Variants in GPHN observed in about 807,000 individuals in gnomAD.
GPHN encodes the protein gephyrin.
In GPHN, 17 loss-of-function variants were observed where a neutral mutation model predicts 95.5. The ratio of observed to expected loss-of-function variants is 0.18; its 90% CI spans 0.12 to 0.27. The LOEUF is 0.27. Ranked by LOEUF, GPHN falls within the 10% of genes least tolerant of loss-of-function variation. GPHN has a pLI of 1.00. For synonymous variants in GPHN, 320 were observed against 322.5 expected, an observed-to-expected ratio of 0.99 and a Z score of 0.08; for missense variants, 660 against 978.1, an observed-to-expected ratio of 0.67 and a Z score of 4.34.
At chr14:67,592,598 G>A in the GPHN span, 1 of 1,194,220 alleles carries the variant, frequency 8.4e-7, no homozygotes. Context: ...AAAGGTTGAG[G>A]AGTAATTGGA....
At chr14:66,557,497 G>A (rs930559134) in intron 1 of GPHN, among the ~76,000 whole-genome samples, 4 of 152,108 alleles carry the variant, frequency 2.6e-5, no homozygotes, top group Admixed American at 6.5e-5. Context: ...TTAAGAATTT[G>A]TCTTCAGTTA....
chr14:67,336,352 A>G, the GPHN span: 1 of 177,334 alleles, frequency 5.6e-6, no homozygotes, highest in African/African-American at 2.4e-5. Flanking sequence ...TATGTTTCAG[A>G]TAACTGACTC....
chr14:67,240,721 A>C, the GPHN span, among the ~76,000 whole-genome samples: 1 of 152,146 alleles, frequency 6.6e-6, no homozygotes, highest in Non-Finnish European at 1.5e-5. Context: ...CCAGGTCCCG[A>C]GGGCGCCAGC....
At chr14:67,253,897 A>G in the GPHN span, among the ~76,000 whole-genome samples, 1 of 151,080 alleles carries the variant, frequency 6.6e-6, no homozygotes. Flanking sequence ...TGGTGATTCA[A>G]AATCTTAGGC....
chr14:66,687,450 T>G (rs2067451261), intron 2 of GPHN, among the ~76,000 whole-genome samples: 1 of 152,066 alleles, frequency 6.6e-6, no homozygotes, highest in Non-Finnish European at 1.5e-5. Context: ...GCATGTTCAT[T>G]TTTACAATAT....
intron 3 of GPHN, among the ~76,000 whole-genome samples, chr14:66,788,336 G>C (rs1213206362): frequency 6.6e-6 from 1 of 152,076 alleles, no homozygotes; most frequent in African/African-American, 2.4e-5. Context: ...CAAGACAACA[G>C]TTAATCTATG....
the GPHN span, among the ~76,000 whole-genome samples, chr14:67,208,789 C>T: frequency 1.3e-5 from 2 of 151,110 alleles, no homozygotes; most frequent in Non-Finnish European, 2.9e-5. Context: ...CCCAGCTACT[C>T]GGGAGGCTGA....
At chr14:67,618,544 T>A in the GPHN span, among the ~76,000 whole-genome samples, 1 of 151,830 alleles carries the variant, frequency 6.6e-6, no homozygotes, top group African/African-American at 2.4e-5. Context: ...CAGCTATTTT[T>A]TTTTTTTTAA....
At chr14:66,675,146 G>GTTTTTTT (rs60014934) in intron 1 of GPHN, among the ~76,000 whole-genome samples, 6 of 135,446 alleles carry the variant, frequency 4.4e-5, no homozygotes, top group Admixed American at 7.4e-5. Flanking sequence ...TCTTTTTCCA[G>GTTTTTTT]TTTTTTTTTT....
At chr14:67,063,278 T>C (rs2075898186) in intron 11 of GPHN, among the ~76,000 whole-genome samples, 1 of 152,196 alleles carries the variant, frequency 6.6e-6, no homozygotes, top group African/African-American at 2.4e-5. Flanking sequence ...TCTGTTCTGT[T>C]CCATTGGTCT....
chr14:66,776,356 G>A, intron 2 of GPHN, 108 bp from the exon 3 acceptor site: 1 of 783,090 alleles, frequency 1.3e-6, no homozygotes, highest in East Asian at 2.4e-5. Flanking sequence ...GGTTGTTGGG[G>A]TGAATACTGG....
chr14:67,197,611 G>A, the GPHN span, among the ~76,000 whole-genome samples: 1 of 152,128 alleles, frequency 6.6e-6, no homozygotes, highest in South Asian at 2.1e-4. Flanking sequence ...TAAGGAGCGC[G>A]CAACCAAGAG....
chr14:66,929,053 T>C (rs922797810), intron 8 of GPHN, among the ~76,000 whole-genome samples: 1 of 135,600 alleles, frequency 7.4e-6, no homozygotes, highest in Non-Finnish European at 1.5e-5. Flanking sequence ...GTCCAATGTT[T>C]CTTTTTTTTT....
chr14:67,308,673 G>A, the GPHN span, among the ~76,000 whole-genome samples: 1 of 150,986 alleles, frequency 6.6e-6, no homozygotes, highest in South Asian at 2.1e-4. Flanking sequence ...AGCCTCCCAA[G>A]TAGCTGGGAT....
intron 2 of GPHN, among the ~76,000 whole-genome samples, chr14:66,693,502 G>A (rs2067918976): frequency 6.6e-6 from 1 of 152,132 alleles, no homozygotes; most frequent in Non-Finnish European, 1.5e-5. Flanking sequence ...ATGCAGTTAT[G>A]GAGGCTGAGG....
At chr14:67,188,774 T>TTTCCTTCCTTCC in the GPHN span, among the ~76,000 whole-genome samples, 131 of 151,068 alleles carry the variant, frequency 8.7e-4, 1 homozygote, top group African/African-American at 2.7e-3. Flanking sequence ...CTCAGTTTCT[T>TTTCCTTCCTTCC]TTCCTTCCTT....
intron 4 of GPHN, among the ~76,000 whole-genome samples, chr14:66,859,678 G>C (rs781252722): frequency 6.5e-4 from 99 of 152,172 alleles, no homozygotes; most frequent in Non-Finnish European, 8.8e-4. Context: ...TGATCTTTTA[G>C]ATAGAGAATT....
chr14:66,768,155 T>C (rs1010267006), intron 2 of GPHN, among the ~76,000 whole-genome samples: 8 of 151,858 alleles, frequency 5.3e-5, no homozygotes, highest in Non-Finnish European at 1.2e-4. Context: ...TAAAACTGAG[T>C]AATGATCTAA....
At chr14:66,803,908 T>A (rs2060449847) in intron 3 of GPHN, among the ~76,000 whole-genome samples, 1 of 152,166 alleles carries the variant, frequency 6.6e-6, no homozygotes, top group Non-Finnish European at 1.5e-5. Flanking sequence ...TACCATTTCA[T>A]CCATTTTGTT....
Sources: gnomAD v4.1 joint callset for allele counts (sites outside exome capture counted in the v4.1 genomes callset) on GRCh38, gnomAD v4.1.1 for gene constraint, MANE v1.5 for transcripts, NCBI Gene and HGNC (gene_info 2026-07-23, HGNC 2026-07-21) for gene names.